Variants in MKLN1 observed in about 807,000 individuals in gnomAD.
The protein encoded by MKLN1 is muskelin.
Under a neutral mutation model 99.0 loss-of-function variants are expected in MKLN1, and 18 were observed. That is an observed-to-expected ratio of 0.18 (90% CI 0.13 to 0.27). The LOEUF (loss-of-function observed/expected upper bound fraction) is 0.27, where lower values mean the gene tolerates loss of function less well. Ranked by LOEUF, MKLN1 falls within the 10% of genes least tolerant of loss-of-function variation. The pLI is 1.00. For missense variants in MKLN1, 621 were observed against 875.9 expected (o/e 0.71, Z 3.67); for synonymous variants, 288 against 293.2 (o/e 0.98, Z 0.18).
intron 3 of MKLN1, among the ~76,000 whole-genome samples, chr7:131,274,940 G>A (rs1375534530): frequency 2.6e-5 from 4 of 152,034 alleles, no homozygotes; most frequent in Non-Finnish European, 5.9e-5. Context: ...TCCCTTCTTG[G>A]CCTCTGAGAA....
At chr7:131,397,561 A>T (rs1417824487) in intron 5 of MKLN1, among the ~76,000 whole-genome samples, 185 bp downstream of exon 5, 1 of 152,140 alleles carries the variant, frequency 6.6e-6, no homozygotes, top group Non-Finnish European at 1.5e-5. Flanking sequence ...AGTCATTATC[A>T]CTCTATGAGA....
In MKLN1 at chr7:131,494,284, A is replaced by C. The variant is rs577446037; in HGVS notation, c.*6556A>C. ...CATCTGTAAAGTGATTGATTAAATT[A>C]GAGGAGGCGTGTAGAATAAATCCCA... On this transcript the variant is annotated 3_prime_UTR_variant, in exon 18 of 18. Transcript: ENST00000352689. 1.5e-4 allele frequency: 23 copies of C among 152,324 alleles called. No individual in the cohort carries two copies. Among genetic ancestry groups the C allele is most frequent in the African/African-American group, 5.5e-4 (23 of 41,576 alleles). The allele number at this position is 152,324 out of a possible 1,614,324, so 9.4% of individuals were successfully genotyped here.
intron 1 of MKLN1, among the ~76,000 whole-genome samples, chr7:131,113,827 G>A (rs6955880): frequency 0.1 from 15,951 of 152,160 alleles, 998 homozygotes; most frequent in East Asian, 0.32. Context: ...GGTGGAAGGC[G>A]AAGGGGAAGC....
intron 1 of MKLN1, among the ~76,000 whole-genome samples, chr7:131,120,871 G>A (rs1354007248): frequency 6.6e-6 from 1 of 152,116 alleles, no homozygotes. Flanking sequence ...TCCAACCTCT[G>A]CCCGTTACCC....
chr7:131,376,251 G>A (rs1042749679), intron 2 of MKLN1, among the ~76,000 whole-genome samples: 1 of 149,178 alleles, frequency 6.7e-6, no homozygotes, highest in African/African-American at 2.5e-5. Context: ...TTTGGGAGCC[G>A]CAGTGGCTCA....
chr7:131,121,510 T>C (rs7781619), intron 1 of MKLN1, among the ~76,000 whole-genome samples: 150,230 of 151,772 alleles, frequency 0.99, 74,377 homozygotes, highest in Middle Eastern at 1. Flanking sequence ...TGGTGGCGGG[T>C]GCCTGCAGTC....
chr7:131,407,955 G>GTCATCATCA (rs902925986), intron 6 of MKLN1, among the ~76,000 whole-genome samples: 18 of 151,804 alleles, frequency 1.2e-4, no homozygotes, highest in African/African-American at 3.9e-4. Context: ...CTGCATCATT[G>GTCATCATCA]TCATCATCAT....
chr7:131,185,447 C>CA (rs1411218695), intron 2 of MKLN1, among the ~76,000 whole-genome samples: 1 of 150,648 alleles, frequency 6.6e-6, no homozygotes, highest in African/African-American at 2.4e-5. Flanking sequence ...ATTAGCCAGA[C>CA]ACGGTGGCAC....
intron 3 of MKLN1, among the ~76,000 whole-genome samples, chr7:131,255,126 G>A (rs142546031): frequency 0.018 from 2,679 of 152,056 alleles, 24 homozygotes; most frequent in Non-Finnish European, 0.026. Flanking sequence ...AAAATTTTGT[G>A]GAGACAGGGT....
At chr7:131,199,278 A>G (rs1324614230) in intron 2 of MKLN1, among the ~76,000 whole-genome samples, 1 of 151,756 alleles carries the variant, frequency 6.6e-6, no homozygotes, top group Non-Finnish European at 1.5e-5. Flanking sequence ...AAAGATAGAG[A>G]CAGGGTCTTA....
chr7:131,218,508 A>G lies in MKLN1; in HGVS notation c.-179+15534A>G, dbSNP rs78546153. Among the ~76,000 whole-genome samples the G allele has an allele frequency of 3.1e-4, 47 of 152,334 alleles. No homozygotes were observed. The East Asian group carries it at 6.4e-3, about 21-fold the overall frequency. On this transcript the variant is annotated intron_variant, in intron 3 of 7. Coordinates refer to the MKLN1 transcript ENST00000416992. ...TTAAACTATGAACTAAATTCCTCCCATAATTAGCTTGGAATGAGCAAGTTA... is the reference window on the plus strand; with the variant it reads ...TTAAACTATGAACTAAATTCCTCCCGTAATTAGCTTGGAATGAGCAAGTTA...
At chr7:131,473,604 T>C (rs1490970327) in intron 16 of MKLN1, among the ~76,000 whole-genome samples, 2 of 152,192 alleles carry the variant, frequency 1.3e-5, no homozygotes, top group Non-Finnish European at 2.9e-5. Flanking sequence ...ACTTCTATAA[T>C]AGAGAAGGAA....
At chr7:131,407,604 T>C (rs145195989) in intron 6 of MKLN1, among the ~76,000 whole-genome samples, 155 of 152,044 alleles carry the variant, frequency 1.0e-3, no homozygotes, top group Admixed American at 8.6e-3. Context: ...TCTTTAAGAT[T>C]TTGTTTCTTA....
chr7:131,355,648 A>ATATATATATATATATATATATG (rs1799852647), intron 1 of MKLN1, among the ~76,000 whole-genome samples: 1 of 137,234 alleles, frequency 7.3e-6, no homozygotes, highest in South Asian at 2.2e-4. Flanking sequence ...ATATATATAT[A>ATATATATATATATATATATATG]TGCTTTAAGT....
rs376224779 is a variant in MKLN1, at chr7:131,443,710, C to T, written c.1395+8C>T. On this transcript the variant is annotated splice_region_variant and intron_variant, in intron 11 of 17. Transcript: ENST00000352689. ...TGCATGTTATTCCACTCAGTAAGAA[C>T]ATTCCGTACATTGCGTAAATGTTAT... The T allele has an allele frequency of 8.1e-5, 125 of 1,541,054 alleles. No individual in the cohort carries two copies. Among genetic ancestry groups the T allele is most frequent in the Non-Finnish European group, 1.1e-4 (119 of 1,113,794 alleles).
chr7:131,142,607 C>T (rs968459973), intron 1 of MKLN1, among the ~76,000 whole-genome samples: 1 of 147,718 alleles, frequency 6.8e-6, no homozygotes, highest in South Asian at 2.2e-4. Context: ...TGTAGGCGGG[C>T]GCCTGTAGTC....
At chr7:131,273,717 T>C (rs540998641) in intron 3 of MKLN1, among the ~76,000 whole-genome samples, 36 of 151,636 alleles carry the variant, frequency 2.4e-4, no homozygotes, top group Non-Finnish European at 4.3e-4. Flanking sequence ...TTTGACTTCC[T>C]AGGCTCAAGT....
At chr7:131,472,268 A>G (rs955299507) in intron 16 of MKLN1, 1 of 152,226 alleles carries the variant, frequency 6.6e-6, no homozygotes, top group Admixed American at 6.5e-5. Context: ...ACTGGGAACA[A>G]TCATTTTTTC....
chr7:131,285,801 G>C (rs1249457332), intron 3 of MKLN1, among the ~76,000 whole-genome samples: 1 of 151,956 alleles, frequency 6.6e-6, no homozygotes, highest in Non-Finnish European at 1.5e-5. Flanking sequence ...TTGATTGTGA[G>C]TTTTTTTGGT....
Sources: allele counts gnomAD v4.1 joint callset (sites outside exome capture counted in the v4.1 genomes callset), GRCh38; gene constraint gnomAD v4.1.1; transcripts MANE v1.5; gene names NCBI Gene and HGNC (gene_info 2026-07-23, HGNC 2026-07-21).